Variants in PTCHD1 observed in about 807,000 individuals in gnomAD.
PTCHD1 encodes patched domain-containing protein 1.
Under a neutral mutation model 34.6 loss-of-function variants are expected in PTCHD1, and 3 were observed. That is an observed-to-expected ratio of 0.09 (90% CI 0.04 to 0.22). PTCHD1 has a LOEUF of 0.22. PTCHD1 is among the 10% of genes least tolerant of loss of function. PTCHD1 has a pLI of 1.00. For missense variants in PTCHD1, 504 were observed against 685.5 expected (o/e 0.74, Z 2.96); for synonymous variants, 305 against 283.1 (o/e 1.08, Z -0.77).
At chrX:23,384,881 T>C (rs73205372) in intron 2 of PTCHD1, among the ~76,000 whole-genome samples, 6,884 of 111,552 alleles carry the variant, frequency 0.062, 242 homozygotes, top group East Asian at 0.28. Context: ...AAATGGTAAT[T>C]TTGTGTGGTT....
intron 2 of PTCHD1, among the ~76,000 whole-genome samples, chrX:23,387,028 G>A (rs1439481309): frequency 9.0e-6 from 1 of 111,691 alleles, no homozygotes; most frequent in African/African-American, 3.3e-5. Flanking sequence ...GGACAGGCGC[G>A]AAAATCTGGG....
chrX:23,335,871 G>A (rs916403953), intron 1 of PTCHD1, among the ~76,000 whole-genome samples: 13 of 112,070 alleles, frequency 1.2e-4, no homozygotes, highest in African/African-American at 4.2e-4. Context: ...CTATCTTCTA[G>A]GGTATGAAAT....
At position 23,392,700 on chromosome X, in the gene PTCHD1, G is replaced by T; in HGVS notation, c.1182G>T (p.Thr394=). Reference sequence around the variant, plus strand: ...TTGGCATAGGGGCCAGCCCTTTCACGAACATTGAGGCAGCCAGGATTTTCT... The same window carrying T: ...TTGGCATAGGGGCCAGCCCTTTCACTAACATTGAGGCAGCCAGGATTTTCT... ...VTFGIGASPF[T]NIEAARIFCC... is the part of the protein sequence containing the mutation. Residue 394 remains threonine, a synonymous_variant, in exon 3 of 3, where the codon ACG becomes ACT. Coordinates refer to ENST00000379361, the MANE Select transcript of PTCHD1 (RefSeq NM_173495.3). 8.3e-7 allele frequency: 1 copy of T among 1,211,981 alleles called. No individual in the cohort carries two copies. The highest frequency in any genetic ancestry group is 3.0e-5 in the East Asian group (1 of 33,866).
intron 1 of PTCHD1, among the ~76,000 whole-genome samples, chrX:23,361,035 C>A (rs1281233621): frequency 1.8e-5 from 2 of 111,991 alleles, no homozygotes; most frequent in African/African-American, 6.5e-5. Flanking sequence ...GATTTCTGTT[C>A]TTTTACATTT....
rs748533243 is a variant in PTCHD1 at position 23,392,856 on chromosome X, G to A, written c.1338G>A (p.Lys446=). ...QHSIFCRKVP[K]PEALQEKPAW... Reference sequence around the variant, plus strand: ...GTATCTTCTGTAGAAAAGTCCCAAAGCCTGAGGCATTGCAGGAGAAGCCGG... The same window carrying A: ...GTATCTTCTGTAGAAAAGTCCCAAAACCTGAGGCATTGCAGGAGAAGCCGG... The change falls in exon 3 of 3, where the codon AAG becomes AAA. Residue 446 remains lysine (K), a synonymous_variant. Coordinates refer to ENST00000379361, the MANE Select transcript of PTCHD1 (RefSeq NM_173495.3). The A allele has an allele frequency of 8.3e-6, 10 of 1,210,452 alleles. No homozygotes were observed. The highest frequency in any genetic ancestry group is 1.7e-5 in the African/African-American group (1 of 57,311).
intron 1 of PTCHD1, among the ~76,000 whole-genome samples, chrX:23,378,027 TACTCTTGAGAGAGTCC>T (rs1282372195): frequency 8.9e-6 from 1 of 112,167 alleles, no homozygotes; most frequent in Non-Finnish European, 1.9e-5. Context: ...TGGCTATCTA[TACTCTTGAGAGAGTCC>T]ACTCAGTGCT....
chrX:23,338,177 C>A (rs1245478080), intron 1 of PTCHD1, among the ~76,000 whole-genome samples: 1 of 111,760 alleles, frequency 8.9e-6, no homozygotes, highest in Non-Finnish European at 1.9e-5. Flanking sequence ...TACAGGGCAA[C>A]GATGCATTAT....
At chrX:23,362,073 G>A (rs761261710) in intron 1 of PTCHD1, among the ~76,000 whole-genome samples, 1 of 112,092 alleles carries the variant, frequency 8.9e-6, no homozygotes, top group South Asian at 3.7e-4. Context: ...CTCTCTGGCT[G>A]CCCTTAACAT....
rs1254605131 is a variant in PTCHD1, at chrX:23,394,450, A to ACACACACACACACACACACC, written c.*266_*267insACACACACACACACACACCC. Reference sequence around the variant, plus strand: ...CACACACACACACACACACACACACACCCTGGGAGACCTATAGTCTCTTAA... The same window carrying ACACACACACACACACACACC: ...CACACACACACACACACACACACACACACACACACACACACACACCCCCTGGGAGACCTATAGTCTCTTAA... On this transcript the variant is annotated 3_prime_UTR_variant, in exon 3 of 3. Transcript: ENST00000379361. The ACACACACACACACACACACC allele has an allele frequency of 1.0e-5, 3 of 291,814 alleles. No individual in the cohort carries two copies. Among genetic ancestry groups the ACACACACACACACACACACC allele is most frequent in the East Asian group, 6.0e-5 (1 of 16,627 alleles). 24.0% of individuals were successfully genotyped at this position (291,814 alleles called of 1,213,427 possible). A position where few individuals can be genotyped will look rare whatever the true frequency, so the allele number is the denominator to read the frequency against.
chrX:23,342,890 C>G (rs1921378924), intron 1 of PTCHD1, among the ~76,000 whole-genome samples: 2 of 111,844 alleles, frequency 1.8e-5, no homozygotes, highest in Non-Finnish European at 3.8e-5. Flanking sequence ...GGCTTTCATT[C>G]TTATACACAT....
At position 23,398,281 on chromosome X, in the gene PTCHD1, T is replaced by C. The variant is rs750681193; in HGVS notation, c.*4096T>C. The C allele has an allele frequency of 2.7e-5, 3 of 111,731 alleles. No individual in the cohort carries two copies. The highest frequency in any genetic ancestry group is 5.6e-4 in the East Asian group (2 of 3,553). 9.2% of individuals were successfully genotyped at this position (111,731 alleles called of 1,213,427 possible). A position where few individuals can be genotyped will look rare whatever the true frequency, so the allele number is the denominator to read the frequency against. On this transcript the variant is annotated 3_prime_UTR_variant, in exon 3 of 3. Transcript: ENST00000379361. ...GATGTAAAGCTACTGAGAAGTAGAT[T>C]TGAGCCTGAGAATTAGGGCTACAAA...
At chrX:23,351,384 T>TA in intron 1 of PTCHD1, 1 of 676,066 alleles carries the variant, frequency 1.5e-6, no homozygotes, top group Non-Finnish European at 2.4e-6. Flanking sequence ...TTCTGCAAAA[T>TA]ATGTTTCTGA....
chrX:23,375,719 T>C (rs991702657), intron 1 of PTCHD1, among the ~76,000 whole-genome samples: 1 of 111,997 alleles, frequency 8.9e-6, no homozygotes, highest in Non-Finnish European at 1.9e-5. Context: ...CTCAGGTAAG[T>C]GATTGAAAGT....
rs1923188341 is a variant in PTCHD1 at position 23,404,370 on chromosome X, A to T, written c.*10185A>T. The T allele has an allele frequency of 9.0e-6, 1 of 111,347 alleles. No homozygotes were observed. 9.2% of individuals were successfully genotyped at this position (111,347 alleles called of 1,213,427 possible). On this transcript the variant is annotated 3_prime_UTR_variant, in exon 3 of 3. Transcript: ENST00000379361. ...TGGAATGATTAAATCAAGCTAATTAACATATCTATCATCTCACATATTTCT... is the reference window on the plus strand; with the variant it reads ...TGGAATGATTAAATCAAGCTAATTATCATATCTATCATCTCACATATTTCT...
intron 1 of PTCHD1, among the ~76,000 whole-genome samples, chrX:23,365,313 A>G (rs5925759): frequency 0.14 from 15,054 of 111,235 alleles, 970 homozygotes; most frequent in South Asian, 0.25. Context: ...ATAATACAAG[A>G]CATTGGGGAG....
Position 23,394,127 on chromosome X carries a change from G to T in PTCHD1, c.2609G>T (p.Cys870Phe), listed in dbSNP as rs1248580513. ...KNPENREEIE[C>F]VEMVDIDSTR... The stretch of plus-strand genomic sequence containing the variant: ...CCTGAGAACCGGGAGGAAATTGAGT[G>T]TGTAGAAATGGTAGATATCGATAGT... Residue 870 changes from cysteine (C) to phenylalanine (F), a missense_variant, in exon 3 of 3, where the codon TGT becomes TTT. Transcript: ENST00000379361. 1 of 1,210,296 alleles carries T rather than the reference G, an allele frequency of 8.3e-7. No individual in the cohort carries two copies. The highest frequency in any genetic ancestry group is 2.2e-5 in the Admixed American group (1 of 45,896).
At position 23,395,785 on chromosome X, in the gene PTCHD1, G is replaced by A. The variant is rs1922974793; in HGVS notation, c.*1600G>A. 8.9e-6 allele frequency: 1 copy of A among 111,921 alleles called. No individual in the cohort carries two copies. The highest frequency in any genetic ancestry group is 1.9e-5 in the Non-Finnish European group (1 of 53,155). The allele number at this position is 111,921 out of a possible 1,213,427, so 9.2% of individuals were successfully genotyped here. ...AGAGATGTAGCTTCCTTAGACATCT[G>A]TAGTGGTAAGCATTTCCCAAAAGCA... On this transcript the variant is annotated 3_prime_UTR_variant, in exon 3 of 3. Coordinates refer to ENST00000379361, the MANE Select transcript of PTCHD1 (RefSeq NM_173495.3).
chrX:23,394,143 T>A lies in PTCHD1; in HGVS notation c.2625T>A (p.Asp875Glu). The A allele has an allele frequency of 8.3e-7, 1 of 1,209,117 alleles. No individual in the cohort carries two copies. The highest frequency in any genetic ancestry group is 1.1e-6 in the Non-Finnish European group (1 of 893,967). ...AAATTGAGTGTGTAGAAATGGTAGA[T>A]ATCGATAGTACCCGTGTGGTTGACC... ...REEIECVEMV[D>E]IDSTRVVDQI... The change falls in exon 3 of 3, where the codon GAT becomes GAA. Residue 875 changes from aspartate (D) to glutamate (E), a missense_variant. By Grantham distance (45) the Asp-to-Glu change is conservative (BLOSUM62 2). Coordinates refer to ENST00000379361, the MANE Select transcript of PTCHD1 (RefSeq NM_173495.3).
intron 1 of PTCHD1, among the ~76,000 whole-genome samples, chrX:23,363,295 G>A (rs770498814): frequency 2.7e-5 from 3 of 112,621 alleles, no homozygotes; most frequent in African/African-American, 6.4e-5. Context: ...GCTGAGCTGC[G>A]GTGGGTTCCG....
Sources: gnomAD v4.1 joint callset for allele counts (sites outside exome capture counted in the v4.1 genomes callset) on GRCh38, gnomAD v4.1.1 for gene constraint, MANE v1.5 for transcripts, NCBI Gene and HGNC (gene_info 2026-07-23, HGNC 2026-07-21) for gene names.